Variants in ESYT2 observed in about 807,000 individuals in gnomAD.
The protein encoded by ESYT2 is extended synaptotagmin-2.
A neutral mutation model predicts 107.2 loss-of-function variants in ESYT2; 54 were observed. That is an observed-to-expected ratio of 0.50 (90% confidence interval 0.40 to 0.63). The LOEUF is 0.63. ESYT2 is among the 30% of genes least tolerant of loss of function. The probability of loss-of-function intolerance (pLI) is 0.00; values close to 1 mark genes in which losing one functional copy is unlikely to be tolerated. For missense variants in ESYT2, 1,020 were observed against 1,094.5 expected (o/e 0.93, Z 0.96); for synonymous variants, 491 against 434.1 (o/e 1.13, Z -1.63).
chr7:158,767,580 C>T (rs1399598033), intron 8 of ESYT2, 74 bp downstream of exon 8: 3 of 1,557,916 alleles, frequency 1.9e-6, no homozygotes, highest in Non-Finnish European at 2.6e-6. Context: ...AGTCACAGCA[C>T]CCAATGCCAC....
chr7:158,741,254 T>C (rs754512563), intron 18 of ESYT2, among the ~76,000 whole-genome samples: 2 of 152,240 alleles, frequency 1.3e-5, no homozygotes, highest in Admixed American at 1.3e-4. Context: ...CGCTGCCTCC[T>C]GTCTTTCCTA....
Position 158,739,032 on chromosome 7 carries a change from T to A in ESYT2, c.2258A>T (p.His753Leu). 6.2e-7 allele frequency: 1 copy of A among 1,614,002 alleles called. No individual in the cohort carries two copies. Among genetic ancestry groups the A allele is most frequent in the Non-Finnish European group, 8.5e-7 (1 of 1,179,924 alleles). The change falls in exon 19 of 23, where the codon CAT becomes CTT. Residue 753 changes from histidine to leucine, a missense_variant. His to Leu is a moderately conservative substitution (Grantham distance 99, BLOSUM62 -3). Coordinates refer to ENST00000275418, the MANE Select transcript of ESYT2 (RefSeq NM_001367773.1). ...SQRNKLIVVV[H>L]ACRNLIAFSE... The stretch of plus-strand genomic sequence containing the variant: ...GGACCCCAGCCCCCACCTGCAGGCA[T>A]GCACGACCACGATAAGCTTGTTTCT...
chr7:158,741,727 C>T lies in ESYT2; in HGVS notation c.1964G>A (p.Gly655Asp), dbSNP rs1837215898. Reference protein sequence around the residue: ...NTAPSTPVIGGSDKPGMEEKA... With the variant: ...NTAPSTPVIGDSDKPGMEEKA... ...TTCTTCCATACCAGGCTTATCACTG[C>T]CCCCAATGACTGGTGTGGATGGAGC... is the stretch of plus-strand genomic sequence containing the variant. The change falls in exon 18 of 23, where the codon GGC (glycine) becomes GAC (aspartate). Residue 655 changes from glycine to aspartate, a missense_variant. Gly to Asp is a moderately conservative substitution (Grantham distance 94). Transcript: ENST00000275418. 1 of 1,613,934 alleles carries T rather than the reference C, an allele frequency of 6.2e-7. No individual in the cohort carries two copies. The highest frequency in any genetic ancestry group is 1.3e-5 in the African/African-American group (1 of 74,892).
intron 1 of ESYT2, among the ~76,000 whole-genome samples, chr7:158,817,777 A>G (rs781549003): frequency 6.6e-6 from 1 of 152,268 alleles, no homozygotes; most frequent in Non-Finnish European, 1.5e-5. Context: ...TACAGATTAA[A>G]CTAAATGCTT....
At chr7:158,770,840 A>G (rs1838341213) in intron 7 of ESYT2, among the ~76,000 whole-genome samples, 1 of 152,120 alleles carries the variant, frequency 6.6e-6, no homozygotes, top group African/African-American at 2.4e-5. Flanking sequence ...TGTATTACAT[A>G]TATAAAATCT....
At position 158,806,944 on chromosome 7, in the gene ESYT2, T is replaced by A. The variant is rs1025116460; in HGVS notation, c.331-7872A>T. On this transcript the variant is annotated intron_variant, in intron 1 of 22. Transcript: ENST00000275418. Reference sequence around the variant, plus strand: ...TAGATGGGCAATTGTAGCACTGAATTAATTGCATATATTCTGTATACTACT... The same window carrying A: ...TAGATGGGCAATTGTAGCACTGAATAAATTGCATATATTCTGTATACTACT... Among the ~76,000 whole-genome samples the A allele has an allele frequency of 5.9e-5, 9 of 152,272 alleles. No individual in the cohort carries two copies. In the South Asian group the frequency reaches 1.9e-3, roughly 32 times the overall value.
chr7:158,807,254 G>GA (rs372309924), intron 1 of ESYT2, among the ~76,000 whole-genome samples: 6,501 of 117,174 alleles, frequency 0.055, 645 homozygotes, highest in African/African-American at 0.19. Flanking sequence ...CCGTCTGAAG[G>GA]AAAAAAAAAA....
chr7:158,738,809 G>A (rs58784790), intron 19 of ESYT2, among the ~76,000 whole-genome samples: 36,031 of 152,114 alleles, frequency 0.24, 5,138 homozygotes, highest in East Asian at 0.59. Context: ...TGATCTTAGG[G>A]GACCGTTGTA....
At chr7:158,738,312 C>CAAAA (rs1350264204) in intron 19 of ESYT2, among the ~76,000 whole-genome samples, 1 of 71,064 alleles carries the variant, frequency 1.4e-5, no homozygotes, top group African/African-American at 6.8e-5. Context: ...ACTCTGTCTC[C>CAAAA]AAAAAAAAAA....
rs1018801190 is a variant in ESYT2 at position 158,732,833 on chromosome 7, A to G, written c.*1374T>C. 1 of 152,420 alleles carries G rather than the reference A, an allele frequency of 6.6e-6. No individual in the cohort carries two copies. Among genetic ancestry groups the G allele is most frequent in the African/African-American group, 2.4e-5 (1 of 41,472 alleles). 9.4% of individuals were successfully genotyped at this position (152,420 alleles called of 1,614,324 possible). On this transcript the variant is annotated 3_prime_UTR_variant, in exon 23 of 23. Coordinates refer to ENST00000275418, the MANE Select transcript of ESYT2 (RefSeq NM_001367773.1). ...ATAGTTTTAAGATGTTCTCATGGCT[A>G]TGGAAGCCATTTTCAGCATATAGCT...
At chr7:158,767,586 G>C in intron 8 of ESYT2, 68 bp downstream of exon 8, 2 of 1,566,144 alleles carry the variant, frequency 1.3e-6, no homozygotes, top group Non-Finnish European at 1.7e-6. Context: ...AGCACCCAAT[G>C]CCACACCCGC....
intron 1 of ESYT2, among the ~76,000 whole-genome samples, chr7:158,825,208 G>A (rs988031617): frequency 6.6e-6 from 1 of 152,176 alleles, no homozygotes; most frequent in Admixed American, 6.5e-5. Flanking sequence ...CAGGAGAGTC[G>A]CTTAAACCCG....
rs759650863 is a variant in ESYT2, at chr7:158,732,938, TCA to T, written c.*1267_*1268del. 2.0e-5 allele frequency: 3 copies of T among 152,250 alleles called. No individual in the cohort carries two copies. In the East Asian group the frequency reaches 5.8e-4, roughly 29 times the overall value. The allele number at this position is 152,250 out of a possible 1,614,324, so 9.4% of individuals were successfully genotyped here. ...CAGCCTACGACACTGCAACAGAGCCTCACCTCACAGGAGGTCTGGGGGACTCT... is the reference window on the plus strand; with the variant it reads ...CAGCCTACGACACTGCAACAGAGCCTCCTCACAGGAGGTCTGGGGGACTCT... On this transcript the variant is annotated 3_prime_UTR_variant, in exon 23 of 23. Transcript: ENST00000275418.
At chr7:158,745,774 G>A (rs1003059592) in intron 16 of ESYT2, among the ~76,000 whole-genome samples, 1 of 152,084 alleles carries the variant, frequency 6.6e-6, no homozygotes, top group Non-Finnish European at 1.5e-5. Context: ...AACTGAAAGG[G>A]AAATTAAGGA....
intron 6 of ESYT2, among the ~76,000 whole-genome samples, chr7:158,779,996 T>C (rs967457019): frequency 6.6e-6 from 1 of 152,232 alleles, no homozygotes; most frequent in African/African-American, 2.4e-5. Flanking sequence ...GCCCCCATTA[T>C]TGTGACACCC....
intron 1 of ESYT2, among the ~76,000 whole-genome samples, chr7:158,823,527 C>T (rs1007390095): frequency 2.0e-5 from 3 of 151,666 alleles, no homozygotes; most frequent in Admixed American, 1.3e-4. Flanking sequence ...GGGGTCTCAC[C>T]GTGTTAGCCA....
intron 1 of ESYT2, among the ~76,000 whole-genome samples, chr7:158,828,626 G>A (rs1049320235): frequency 1.1e-4 from 16 of 152,212 alleles, no homozygotes; most frequent in Admixed American, 9.8e-4. Context: ...CTGGGCGGGC[G>A]GGGAAGCGGA....
chr7:158,808,019 G>T (rs186912361), intron 1 of ESYT2, among the ~76,000 whole-genome samples: 2 of 152,288 alleles, frequency 1.3e-5, no homozygotes, highest in African/African-American at 2.4e-5. Flanking sequence ...TCCAGGTGCA[G>T]AAAAATGTCT....
chr7:158,825,306 TAAATG>T (rs1840407995), intron 1 of ESYT2, among the ~76,000 whole-genome samples: 1 of 151,438 alleles, frequency 6.6e-6, no homozygotes, highest in South Asian at 2.1e-4. Context: ...AATAAATAAA[TAAATG>T]AAATAATAAA....
Sources: allele counts gnomAD v4.1 joint callset (sites outside exome capture counted in the v4.1 genomes callset), GRCh38; gene constraint gnomAD v4.1.1; transcripts MANE v1.5; gene names NCBI Gene and HGNC (gene_info 2026-07-23, HGNC 2026-07-21).